Variants in SLC8B1 observed in about 807,000 individuals in gnomAD.
SLC8B1 encodes solute carrier family 8 member B1, also known as mitochondrial sodium/calcium exchanger protein.
In SLC8B1, 52 loss-of-function variants were observed where a neutral mutation model predicts 63.4. The ratio of observed to expected loss-of-function variants is 0.82; its 90% confidence interval spans 0.66 to 1.03. The LOEUF is 1.03. SLC8B1 is among the 50% of genes least tolerant of loss of function. The probability of loss-of-function intolerance (pLI) is 0.00; values close to 1 mark genes in which losing one functional copy is unlikely to be tolerated. For missense variants in SLC8B1, 657 were observed against 741.7 expected (o/e 0.89, Z 1.33); for synonymous variants, 336 against 323.9 (o/e 1.04, Z -0.40).
intron 8 of SLC8B1, among the ~76,000 whole-genome samples, chr12:113,317,755 T>C (rs376384206): frequency 8.3e-4 from 114 of 137,554 alleles, no homozygotes; most frequent in African/African-American, 2.4e-3. Flanking sequence ...TATTTGTTTA[T>C]GTGTGTGTGC....
chr12:113,329,258 C>A (rs2136867878), intron 2 of SLC8B1, among the ~76,000 whole-genome samples: 1 of 152,314 alleles, frequency 6.6e-6, no homozygotes, highest in Non-Finnish European at 1.5e-5. Context: ...GTGGCTTGCC[C>A]AGGAGCACAC....
At chr12:113,326,820 A>G (rs1197630278) in intron 2 of SLC8B1, among the ~76,000 whole-genome samples, 1 of 152,136 alleles carries the variant, frequency 6.6e-6, no homozygotes, top group South Asian at 2.1e-4. Flanking sequence ...TGGAGCTACA[A>G]ATGTGAGCCC....
At position 113,306,683 on chromosome 12, in the gene SLC8B1, G is replaced by A. The variant is rs543386482; in HGVS notation, c.1412-108C>T. ...GGTCATTCAGGCAACAAACACAGAT[G>A]GATGCCCAAGTGTGCCTGGGCACTA... On this transcript the variant is annotated intron_variant, in intron 13 of 15. Transcript: ENST00000680972. The A allele has an allele frequency of 2.8e-4, 246 of 889,254 alleles. No individual in the cohort carries two copies. In the African/African-American group the frequency reaches 3.3e-3, roughly 12 times the overall value. The allele number at this position is 889,254 out of a possible 1,614,324, so 55.1% of individuals were successfully genotyped here.
At chr12:113,302,746 C>T (rs1429180331) in intron 15 of SLC8B1, 1 of 456,160 alleles carries the variant, frequency 2.2e-6, no homozygotes, top group South Asian at 1.5e-5. Context: ...TGACAGAGCC[C>T]AAATCCAAGT....
At position 113,299,584 on chromosome 12, in the gene SLC8B1, C is replaced by A; in HGVS notation, c.*193G>T. The A allele has an allele frequency of 1.7e-6, 1 of 606,010 alleles. No individual in the cohort carries two copies. Among genetic ancestry groups the A allele is most frequent in the Non-Finnish European group, 2.9e-6 (1 of 340,678 alleles). The allele number at this position is 606,010 out of a possible 1,614,324, so 37.5% of individuals were successfully genotyped here. A position where few individuals can be genotyped will look rare whatever the true frequency, so the allele number is the denominator to read the frequency against. On this transcript the variant is annotated 3_prime_UTR_variant, in exon 16 of 16. Coordinates refer to ENST00000680972, the MANE Select transcript of SLC8B1 (RefSeq NM_001358345.2). ...GGTTTCCAAGGTCCCCACGGCAAGG[C>A]TGTTGGGTGCTGGCAGCAAGAGGTA...
At chr12:113,318,135 T>C (rs956372903) in intron 8 of SLC8B1, among the ~76,000 whole-genome samples, 12 of 152,214 alleles carry the variant, frequency 7.9e-5, no homozygotes, top group African/African-American at 2.7e-4. Flanking sequence ...CTGTGTATGT[T>C]GTATATGTGT....
At position 113,299,770 on chromosome 12, in the gene SLC8B1, G is replaced by A. The variant is rs748124424; in HGVS notation, c.*7C>T. ...TGCAGTGAGGCCACAGCACTAAGCG[G>A]CTTCAGTCACATGCTTTTCAGGTGA... On this transcript the variant is annotated 3_prime_UTR_variant, in exon 16 of 16. Transcript: ENST00000680972. The A allele has an allele frequency of 1.9e-6, 3 of 1,613,972 alleles. No homozygotes were observed. The highest frequency in any genetic ancestry group is 2.5e-6 in the Non-Finnish European group (3 of 1,179,922).
rs1199809644 is a variant in SLC8B1 at position 113,320,769 on chromosome 12, C to T, written c.420+81G>A. ...GACCCTATCCCCCAGCTTCCCCACA[C>T]GGGGATAGACATGACCCTATCTCCC... On this transcript the variant is annotated intron_variant, in intron 5 of 15. Coordinates refer to ENST00000680972, the MANE Select transcript of SLC8B1 (RefSeq NM_001358345.2). The surrounding 1 kb of genome is among the most constrained non-coding windows in gnomAD (Gnocchi z 5.3). The T allele has an allele frequency of 1.8e-5, 29 of 1,573,534 alleles. No homozygotes were observed. The highest frequency in any genetic ancestry group is 9.4e-5 in the African/African-American group (7 of 74,464).
chr12:113,302,353 C>A (rs1956600006), intron 15 of SLC8B1: 2 of 256,404 alleles, frequency 7.8e-6, no homozygotes, highest in Non-Finnish European at 1.6e-5. Context: ...GAAGGATCCT[C>A]CTCTGGAGCT....
Position 113,304,475 on chromosome 12 carries a change from C to T in SLC8B1, c.1493-90G>A, listed in dbSNP as rs191981848. The T allele has an allele frequency of 3.8e-4, 458 of 1,205,970 alleles. 5 individuals are homozygous for T. The East Asian group carries it at 0.01, about 27-fold the overall frequency. The allele number at this position is 1,205,970 out of a possible 1,614,324, so 74.7% of individuals were successfully genotyped here. A position where few individuals can be genotyped will look rare whatever the true frequency, so the allele number is the denominator to read the frequency against. ...CCTCCTACTGTGTTCATCCCCAGGG[C>T]TTGGGATGCCACTGCAAGAATGAAC... On this transcript the variant is annotated intron_variant, in intron 14 of 15. Coordinates refer to ENST00000680972, the MANE Select transcript of SLC8B1 (RefSeq NM_001358345.2).
chr12:113,333,085 G>A (rs1957078472), intron 1 of SLC8B1, 125 bp from the exon 2 acceptor site: 1 of 617,858 alleles, frequency 1.6e-6, no homozygotes, highest in South Asian at 2.1e-5. Flanking sequence ...TAAGCTGACG[G>A]AGAAACCATG....
intron 2 of SLC8B1, among the ~76,000 whole-genome samples, chr12:113,329,287 G>A (rs1018328761): frequency 6.6e-6 from 1 of 152,144 alleles, no homozygotes; most frequent in Non-Finnish European, 1.5e-5. Flanking sequence ...ACTGAGAAGT[G>A]GCTCCAAACT....
intron 15 of SLC8B1, among the ~76,000 whole-genome samples, chr12:113,303,580 GC>G (rs142975100): frequency 0.082 from 12,487 of 152,244 alleles, 658 homozygotes; most frequent in Middle Eastern, 0.16. Context: ...GGGACTGCCA[GC>G]GGCTCAGGGG....
At chr12:113,319,242 C>T in intron 7 of SLC8B1, 171 bp from the exon 8 acceptor site, 1 of 588,562 alleles carries the variant, frequency 1.7e-6, no homozygotes, top group South Asian at 1.9e-5. Context: ...TTCCTCCTGC[C>T]TTCCAGGACC....
At chr12:113,303,644 G>A (rs905715039) in intron 15 of SLC8B1, among the ~76,000 whole-genome samples, 1 of 151,992 alleles carries the variant, frequency 6.6e-6, no homozygotes, top group Non-Finnish European at 1.5e-5. Context: ...GCAGATTTTC[G>A]AATAGAAAAA....
Position 113,305,875 on chromosome 12 carries a change from A to G in SLC8B1, c.1492+620T>C, listed in dbSNP as rs1956664229. On this transcript the variant is annotated intron_variant, in intron 14 of 15. Transcript: ENST00000680972. This position sits in a 1 kb window ranked among gnomAD's most constrained non-coding sequence, Gnocchi z 4.3. ...GGAGTTTGAGAACAGCCTGGCCAAC[A>G]TAGTGAAACCCTGTCTCTACTAAAA... 6.6e-6 allele frequency among the ~76,000 whole-genome samples: 1 copy of G among 151,976 alleles called. No homozygotes were observed. The highest frequency in any genetic ancestry group is 2.1e-4 in the South Asian group (1 of 4,820).
chr12:113,302,596 C>T, intron 15 of SLC8B1: 1 of 455,640 alleles, frequency 2.2e-6, no homozygotes, highest in South Asian at 1.5e-5. Context: ...CTTCCTTCCA[C>T]ACTTAGCAGG....
At chr12:113,316,191 A>G (rs968549319) in intron 10 of SLC8B1, among the ~76,000 whole-genome samples, 2 of 150,852 alleles carry the variant, frequency 1.3e-5, no homozygotes, top group African/African-American at 4.9e-5. Context: ...GCCACTGCAC[A>G]CTCCAGCCTG....
intron 12 of SLC8B1, 116 bp from the exon 13 acceptor site, chr12:113,307,960 G>A (rs900083691): frequency 1.8e-5 from 22 of 1,250,626 alleles, no homozygotes; most frequent in South Asian, 7.6e-5. Context: ...CTTATTATGA[G>A]TATAAAACAC....
Sources: gnomAD v4.1 joint callset for allele counts (sites outside exome capture counted in the v4.1 genomes callset) on GRCh38, gnomAD v4.1.1 for gene constraint, Gnocchi (gnomAD v3.1) non-coding constraint, MANE v1.5 for transcripts, NCBI Gene and HGNC (gene_info 2026-07-23, HGNC 2026-07-21) for gene names.